Variants in RABGEF1 observed in about 807,000 individuals in gnomAD.
RABGEF1 encodes RAB guanine nucleotide exchange factor 1, also known as rab5 GDP/GTP exchange factor.
RABGEF1 carries 26 observed loss-of-function variants against 57.3 expected under a neutral mutation model. The ratio of observed to expected loss-of-function variants is 0.45; its 90% CI spans 0.33 to 0.63. RABGEF1 has a LOEUF of 0.63. Among genes scored for constraint, RABGEF1 ranks in the 20% least tolerant of loss-of-function variants. The probability of loss-of-function intolerance (pLI) is 0.02; values close to 1 mark genes in which losing one functional copy is unlikely to be tolerated. For missense variants in RABGEF1, 464 were observed against 607.6 expected, an observed-to-expected ratio of 0.76 and a Z score of 2.48; for synonymous variants, 185 against 210.7, an observed-to-expected ratio of 0.88 and a Z score of 1.06.
chr7:66,793,699 A>G (rs959882726), intron 4 of RABGEF1, among the ~76,000 whole-genome samples: 2 of 119,932 alleles, frequency 1.7e-5, no homozygotes, highest in African/African-American at 5.6e-5. Flanking sequence ...ATGGGTAACT[A>G]GTTGACAGTA....
chr7:66,801,086 C>A (rs1011151285), intron 7 of RABGEF1, among the ~76,000 whole-genome samples: 1 of 152,116 alleles, frequency 6.6e-6, no homozygotes, highest in Non-Finnish European at 1.5e-5. Flanking sequence ...GCCCTGAGGT[C>A]GAACACTCTT....
intron 4 of RABGEF1, among the ~76,000 whole-genome samples, chr7:66,793,316 A>C (rs1215225645): frequency 6.6e-6 from 1 of 152,220 alleles, no homozygotes; most frequent in Non-Finnish European, 1.5e-5. Context: ...CCTTACATAC[A>C]TAGCCTGAAG....
intron 1 of RABGEF1, among the ~76,000 whole-genome samples, chr7:66,705,800 C>T (rs2117313978): frequency 6.7e-6 from 1 of 149,988 alleles, no homozygotes; most frequent in South Asian, 2.1e-4. Context: ...ACCTCCACCT[C>T]CTGGGTTCAA....
At chr7:66,788,493 T>C (rs1811774191) in intron 4 of RABGEF1, among the ~76,000 whole-genome samples, 1 of 151,674 alleles carries the variant, frequency 6.6e-6, no homozygotes, top group African/African-American at 2.4e-5. Flanking sequence ...ATTTTTTGGG[T>C]TTCTCAATTC....
intron 1 of RABGEF1, among the ~76,000 whole-genome samples, chr7:66,766,480 A>G (rs1246200277): frequency 6.6e-6 from 1 of 151,622 alleles, no homozygotes; most frequent in South Asian, 2.1e-4. Flanking sequence ...TCTACTTGTT[A>G]TTTTCTTGCT....
upstream of RABGEF1, among the ~76,000 whole-genome samples, chr7:66,738,575 C>A (rs1172392963): frequency 6.6e-6 from 1 of 151,598 alleles, no homozygotes; most frequent in Admixed American, 6.6e-5. Flanking sequence ...ACAAAAAAAC[C>A]CCAAAAACTA....
chr7:66,742,556 G>A (rs180941879), intron 1 of RABGEF1, among the ~76,000 whole-genome samples: 1 of 152,162 alleles, frequency 6.6e-6, no homozygotes, highest in African/African-American at 2.4e-5. Flanking sequence ...GGTGGAGTGA[G>A]GGAGAGGGGG....
intron 1 of RABGEF1, among the ~76,000 whole-genome samples, chr7:66,700,626 C>A (rs561650339): frequency 6.6e-6 from 1 of 152,130 alleles, no homozygotes; most frequent in African/African-American, 2.4e-5. Flanking sequence ...AAAAGGGGTT[C>A]GTGCGTAGCA....
intron 5 of RABGEF1, among the ~76,000 whole-genome samples, chr7:66,796,261 T>C (rs1785896737): frequency 6.6e-6 from 1 of 152,220 alleles, no homozygotes; most frequent in Non-Finnish European, 1.5e-5. Context: ...GCTTCAAGTT[T>C]TTAGGGATTC....
intron 2 of RABGEF1, among the ~76,000 whole-genome samples, chr7:66,735,488 T>A (rs1797836922): frequency 6.6e-6 from 1 of 152,240 alleles, no homozygotes; most frequent in Admixed American, 6.5e-5. Context: ...TAAAATGGAC[T>A]TCTGGGAGGT....
intron 1 of RABGEF1, among the ~76,000 whole-genome samples, chr7:66,692,903 C>T (rs114289784): frequency 1.3e-5 from 2 of 152,210 alleles, no homozygotes; most frequent in South Asian, 2.1e-4. Context: ...CCCTACCCCC[C>T]AGGCTTGAGG....
intron 2 of RABGEF1, among the ~76,000 whole-genome samples, chr7:66,720,258 C>T (rs548891367): frequency 2.6e-4 from 38 of 147,626 alleles, no homozygotes; most frequent in East Asian, 1.6e-3. Context: ...AGTGCAGTGG[C>T]GCGATCTCGG....
At chr7:66,675,290 C>T in the RABGEF1 span, among the ~76,000 whole-genome samples, 5 of 151,990 alleles carry the variant, frequency 3.3e-5, no homozygotes, top group African/African-American at 4.8e-5. Context: ...ATTAGCCAGG[C>T]GTGGTGGCAG....
intron 2 of RABGEF1, among the ~76,000 whole-genome samples, chr7:66,774,682 C>G (rs1429421623): frequency 6.6e-6 from 1 of 152,156 alleles, no homozygotes; most frequent in African/African-American, 2.4e-5. Context: ...ATTGCTTGAA[C>G]TCGGGAGGCA....
chr7:66,786,712 CAAATGTTGTTTG>C (rs1562853754), intron 4 of RABGEF1, among the ~76,000 whole-genome samples: 1 of 152,170 alleles, frequency 6.6e-6, no homozygotes, highest in African/African-American at 2.4e-5. Context: ...TGCTATTCAG[CAAATGTTGTTTG>C]CTAATATTTT....
the RABGEF1 span, among the ~76,000 whole-genome samples, chr7:66,674,514 C>T: frequency 6.6e-6 from 1 of 152,074 alleles, no homozygotes; most frequent in Non-Finnish European, 1.5e-5. Context: ...GAATGTTCAT[C>T]CCAGCTTTAC....
intron 4 of RABGEF1, among the ~76,000 whole-genome samples, chr7:66,791,170 T>C (rs1175458275): frequency 2.0e-5 from 3 of 152,230 alleles, no homozygotes; most frequent in African/African-American, 7.2e-5. Flanking sequence ...GATTTCTGGC[T>C]TTTTTGTTTG....
chr7:66,731,809 G>C (rs1411896763), intron 2 of RABGEF1, among the ~76,000 whole-genome samples: 5 of 152,176 alleles, frequency 3.3e-5, no homozygotes, highest in Non-Finnish European at 5.9e-5. Flanking sequence ...AGCTGCCCCA[G>C]ACACTTTATG....
chr7:66,656,673 A>C, the RABGEF1 span, among the ~76,000 whole-genome samples: 4 of 152,028 alleles, frequency 2.6e-5, no homozygotes, highest in African/African-American at 9.7e-5. Context: ...CAGAAAAATT[A>C]GCCGGCTGTG....
Sources: gnomAD v4.1 joint callset for allele counts (sites outside exome capture counted in the v4.1 genomes callset) on GRCh38, gnomAD v4.1.1 for gene constraint, MANE v1.5 for transcripts, NCBI Gene and HGNC (gene_info 2026-07-23, HGNC 2026-07-21) for gene names.